RALYL: variants seen among roughly 807,000 people sequenced by gnomAD.
RALYL encodes RALY RNA binding protein like, also known as RNA-binding Raly-like protein.
RALYL carries 29 observed loss-of-function variants against 35.1 expected under a neutral mutation model. The ratio of observed to expected loss-of-function variants is 0.83; its 90% CI spans 0.61 to 1.13. The LOEUF (loss-of-function observed/expected upper bound fraction) is 1.13, where lower values mean the gene tolerates loss of function less well. RALYL is among the 50% of genes most tolerant of loss of function. The pLI is 0.00. For missense variants in RALYL, 359 were observed against 360.4 expected, an observed-to-expected ratio of 1.00 and a Z score of 0.03; for synonymous variants, 120 against 127.6, an observed-to-expected ratio of 0.94 and a Z score of 0.40.
At chr8:84,562,390 T>C (rs1336155965) in intron 2 of RALYL, among the ~76,000 whole-genome samples, 2 of 151,946 alleles carry the variant, frequency 1.3e-5, no homozygotes, top group Non-Finnish European at 2.9e-5. Context: ...CAAAAACTCA[T>C]AAGCAAATAT....
At chr8:84,364,278 C>T (rs1853736150) in intron 1 of RALYL, among the ~76,000 whole-genome samples, 1 of 152,102 alleles carries the variant, frequency 6.6e-6, no homozygotes, top group Non-Finnish European at 1.5e-5. Flanking sequence ...ATATAAGATT[C>T]ACTTGGTATA....
rs543501261 is a variant in RALYL at position 84,617,906 on chromosome 8, C to T, written c.256+88329C>T. On this transcript the variant is annotated intron_variant, in intron 2 of 8. Transcript: ENST00000521268. ...ATGCTGGATTACATTTATTGATTTG[C>T]GTATATTGAACCAGCCTTGCATCCC... Among the ~76,000 whole-genome samples, 344 of 151,816 alleles carry T rather than the reference C, an allele frequency of 2.3e-3. 9 individuals are homozygous for T. Among genetic ancestry groups the T allele is most frequent in the African/African-American group, 7.4e-3 (305 of 41,148 alleles).
intron 1 of RALYL, among the ~76,000 whole-genome samples, chr8:84,210,071 C>T (rs1405706733): frequency 6.6e-6 from 1 of 152,062 alleles, no homozygotes; most frequent in East Asian, 1.9e-4. Context: ...AAATGTGTGC[C>T]TCTGAAGCTG....
chr8:84,471,301 A>G (rs2052713659), intron 1 of RALYL, among the ~76,000 whole-genome samples: 1 of 152,132 alleles, frequency 6.6e-6, no homozygotes, highest in East Asian at 1.9e-4. Context: ...AACAACAACC[A>G]GCCAGGGACA....
intron 1 of RALYL, among the ~76,000 whole-genome samples, chr8:84,209,662 A>C (rs2131141692): frequency 6.6e-6 from 1 of 152,304 alleles, no homozygotes; most frequent in African/African-American, 2.4e-5. Context: ...ACCTGAGCCT[A>C]GGATGGAGCT....
chr8:84,646,596 ATACT>A (rs1296020860), intron 2 of RALYL, among the ~76,000 whole-genome samples: 2 of 152,062 alleles, frequency 1.3e-5, no homozygotes, highest in African/African-American at 4.8e-5. Context: ...TTCTATGGCT[ATACT>A]CTTCATAAAT....
At chr8:84,826,995 C>T (rs1445438768) in intron 4 of RALYL, among the ~76,000 whole-genome samples, 1 of 151,600 alleles carries the variant, frequency 6.6e-6, no homozygotes, top group African/African-American at 2.4e-5. Flanking sequence ...ATGCCCCTAG[C>T]AATAGGAAAA....
At chr8:84,583,452 A>G (rs372131229) in intron 2 of RALYL, among the ~76,000 whole-genome samples, 1 of 152,306 alleles carries the variant, frequency 6.6e-6, no homozygotes, top group East Asian at 1.9e-4. Context: ...AGCCAAGTGT[A>G]TTCAATAATT....
chr8:84,455,082 G>A (rs2049977893), intron 1 of RALYL, among the ~76,000 whole-genome samples: 1 of 152,004 alleles, frequency 6.6e-6, no homozygotes, highest in Admixed American at 6.6e-5. Context: ...AAATGAGCCA[G>A]GCGCTGCACA....
chr8:84,461,690 AT>A (rs1422034922), intron 1 of RALYL, among the ~76,000 whole-genome samples: 1 of 151,798 alleles, frequency 6.6e-6, no homozygotes, highest in Admixed American at 6.6e-5. Context: ...ATGGCAAAAA[AT>A]AATTATTTAA....
intron 8 of RALYL, among the ~76,000 whole-genome samples, chr8:84,899,356 G>T (rs113633215): frequency 2.2e-4 from 34 of 151,460 alleles, no homozygotes; most frequent in African/African-American, 8.0e-4. Context: ...ATTTCTCGGG[G>T]GTTATTTCAC....
At chr8:84,209,190 A>G (rs998656827) in intron 1 of RALYL, among the ~76,000 whole-genome samples, 7 of 151,328 alleles carry the variant, frequency 4.6e-5, no homozygotes, top group East Asian at 3.9e-4. Context: ...CAAGAAGCCT[A>G]TTTTTAGGAG....
intron 8 of RALYL, among the ~76,000 whole-genome samples, chr8:84,913,597 A>G (rs559457531): frequency 1.3e-5 from 2 of 152,150 alleles, no homozygotes; most frequent in East Asian, 3.9e-4. Flanking sequence ...AGGATATGGC[A>G]TGATCATTCA....
chr8:84,364,018 C>G (rs1853667611), intron 1 of RALYL, among the ~76,000 whole-genome samples: 1 of 152,108 alleles, frequency 6.6e-6, no homozygotes, highest in African/African-American at 2.4e-5. Context: ...ACCTATTGTT[C>G]TACAACTCAA....
At chr8:84,388,374 G>A (rs1002997975) in intron 1 of RALYL, among the ~76,000 whole-genome samples, 1 of 152,056 alleles carries the variant, frequency 6.6e-6, no homozygotes, top group African/African-American at 2.4e-5. Context: ...GGGATGGCTG[G>A]GTCAAATGGT....
intron 1 of RALYL, among the ~76,000 whole-genome samples, chr8:84,309,427 AAAGT>A (rs144143891): frequency 0.027 from 4,083 of 151,878 alleles, 99 homozygotes; most frequent in Non-Finnish European, 0.031. Context: ...ACAAAATTAA[AAAGT>A]AAGATTCCTA....
At chr8:84,682,487 G>A (rs1835777716) in intron 2 of RALYL, among the ~76,000 whole-genome samples, 1 of 152,102 alleles carries the variant, frequency 6.6e-6, no homozygotes, top group African/African-American at 2.4e-5. Flanking sequence ...TTTTTGGTTG[G>A]TAGGCTATTA....
chr8:84,730,433 G>A (rs1192431351), intron 2 of RALYL, among the ~76,000 whole-genome samples: 1 of 152,088 alleles, frequency 6.6e-6, no homozygotes, highest in African/African-American at 2.4e-5. Context: ...ATATCATACT[G>A]AATGGGCAAA....
intron 2 of RALYL, among the ~76,000 whole-genome samples, chr8:84,678,492 C>A (rs1011468561): frequency 6.6e-6 from 1 of 152,030 alleles, no homozygotes; most frequent in Non-Finnish European, 1.5e-5. Flanking sequence ...GTTTCAAACT[C>A]CTGATCTAAA....
Sources: allele counts gnomAD v4.1 joint callset (sites outside exome capture counted in the v4.1 genomes callset), GRCh38; gene constraint gnomAD v4.1.1; transcripts MANE v1.5; gene names NCBI Gene and HGNC (gene_info 2026-07-23, HGNC 2026-07-21).